Variants in LRRC4C observed in about 807,000 individuals in gnomAD.
LRRC4C encodes leucine-rich repeat-containing protein 4C.
Under a neutral mutation model 33.6 loss-of-function variants are expected in LRRC4C, and 5 were observed. The observed-to-expected ratio is 0.15, with a 90% CI of 0.08 to 0.31. LRRC4C has a LOEUF of 0.31. Ranked by LOEUF, LRRC4C falls within the 10% of genes least tolerant of loss-of-function variation. The pLI is 1.00. For synonymous variants in LRRC4C, 329 were observed against 302.0 expected, an observed-to-expected ratio of 1.09 and a Z score of -0.93; for missense variants, 560 against 796.7, an observed-to-expected ratio of 0.70 and a Z score of 3.58.
intron 1 of LRRC4C, among the ~76,000 whole-genome samples, chr11:41,388,225 T>C (rs181442483): frequency 1.5e-3 from 229 of 151,842 alleles, no homozygotes; most frequent in African/African-American, 5.1e-3. Flanking sequence ...AAATAGAAAG[T>C]AGATAAAGAG....
chr11:41,242,022 T>C (rs1471612221), intron 1 of LRRC4C, among the ~76,000 whole-genome samples: 1 of 152,202 alleles, frequency 6.6e-6, no homozygotes. Flanking sequence ...GTGTGAATTG[T>C]CTAGTCCTAA....
chr11:40,605,421 A>G (rs1467319517), intron 3 of LRRC4C, among the ~76,000 whole-genome samples: 2 of 152,202 alleles, frequency 1.3e-5, no homozygotes, highest in African/African-American at 4.8e-5. Flanking sequence ...TGATTCAACA[A>G]TACATGAACC....
At chr11:40,141,123 A>C (rs1411673168) in intron 5 of LRRC4C, among the ~76,000 whole-genome samples, 1 of 152,184 alleles carries the variant, frequency 6.6e-6, no homozygotes, top group African/African-American at 2.4e-5. Context: ...CATGACCTTA[A>C]GTAAGTCACA....
At chr11:40,918,850 C>G (rs924811608) in intron 2 of LRRC4C, among the ~76,000 whole-genome samples, 1 of 152,020 alleles carries the variant, frequency 6.6e-6, no homozygotes, top group Non-Finnish European at 1.5e-5. Flanking sequence ...GACTGCTTGC[C>G]TTGGGAAGTT....
intron 3 of LRRC4C, among the ~76,000 whole-genome samples, chr11:40,627,382 G>T (rs933288976): frequency 2.0e-5 from 3 of 152,034 alleles, no homozygotes; most frequent in East Asian, 3.9e-4. Flanking sequence ...GAAAGTATGG[G>T]AATCTACAGT....
At chr11:40,931,659 GTA>G (rs1491055158) in intron 2 of LRRC4C, among the ~76,000 whole-genome samples, 6 of 151,898 alleles carry the variant, frequency 4.0e-5, no homozygotes, top group African/African-American at 7.3e-5. Context: ...AAAGGGGTGT[GTA>G]TGTGTGTGTG....
intron 2 of LRRC4C, among the ~76,000 whole-genome samples, chr11:40,858,967 C>T (rs539969234): frequency 6.6e-6 from 1 of 152,222 alleles, no homozygotes; most frequent in African/African-American, 2.4e-5. Flanking sequence ...TCTTTGAGAG[C>T]CACATGGCAA....
chr11:40,375,369 C>T (rs1053131263), intron 3 of LRRC4C, among the ~76,000 whole-genome samples: 4 of 152,116 alleles, frequency 2.6e-5, no homozygotes, highest in African/African-American at 9.7e-5. Context: ...TTCTCTTTAA[C>T]AGCTGGAGAG....
chr11:40,285,254 G>A (rs1943756950), intron 4 of LRRC4C, among the ~76,000 whole-genome samples: 3 of 152,148 alleles, frequency 2.0e-5, no homozygotes, highest in Admixed American at 1.3e-4. Context: ...AAAGGGGGAA[G>A]CCCTCATTAT....
At chr11:40,544,651 A>T (rs1014742978) in intron 3 of LRRC4C, among the ~76,000 whole-genome samples, 2 of 152,126 alleles carry the variant, frequency 1.3e-5, no homozygotes, top group African/African-American at 4.8e-5. Flanking sequence ...GTGGCAAAGA[A>T]TCACCAAATA....
At chr11:40,644,404 G>A (rs1942314972) in intron 3 of LRRC4C, among the ~76,000 whole-genome samples, 1 of 152,120 alleles carries the variant, frequency 6.6e-6, no homozygotes, top group African/African-American at 2.4e-5. Flanking sequence ...ATACAACCCA[G>A]CAATTGTTTG....
chr11:41,315,016 A>G (rs1043399517), intron 1 of LRRC4C, among the ~76,000 whole-genome samples: 1 of 152,190 alleles, frequency 6.6e-6, no homozygotes, highest in African/African-American at 2.4e-5. Context: ...GTCATAACCT[A>G]CGAAATAAGA....
At chr11:41,280,495 C>T (rs1949627759) in intron 1 of LRRC4C, among the ~76,000 whole-genome samples, 1 of 152,196 alleles carries the variant, frequency 6.6e-6, no homozygotes, top group Admixed American at 6.6e-5. Flanking sequence ...ATAACAGAGG[C>T]TGTGCTCAAC....
rs79962934 is a variant in LRRC4C at position 40,501,262 on chromosome 11, C to T, written c.-270+146880G>A. On this transcript the variant is annotated intron_variant, in intron 3 of 6. Transcript: ENST00000528697. ...TGAGAGTCTGTGGCTTTTCCAGGCA[C>T]ACAATGCAACCTGTCGGTGGAGCTA... 5.7e-3 allele frequency among the ~76,000 whole-genome samples: 870 copies of T among 152,270 alleles called. 6 individuals carry two copies. Among genetic ancestry groups the T allele is most frequent in the African/African-American group, 0.02 (840 of 41,554 alleles).
intron 3 of LRRC4C, among the ~76,000 whole-genome samples, chr11:40,357,398 T>C (rs1947720411): frequency 1.3e-5 from 2 of 152,160 alleles, no homozygotes; most frequent in African/African-American, 2.4e-5. Context: ...ACATTCTGTT[T>C]GGCACCTTCA....
At chr11:41,170,526 TG>T (rs1163627439) in intron 1 of LRRC4C, among the ~76,000 whole-genome samples, 1 of 152,170 alleles carries the variant, frequency 6.6e-6, no homozygotes, top group Non-Finnish European at 1.5e-5. Flanking sequence ...ATTTAATAAA[TG>T]GTGTTGAGAA....
At chr11:40,282,241 A>C (rs1943527056) in intron 4 of LRRC4C, among the ~76,000 whole-genome samples, 1 of 152,154 alleles carries the variant, frequency 6.6e-6, no homozygotes, top group South Asian at 2.1e-4. Context: ...GTTACTCGGG[A>C]GGCTGAGGCA....
intron 1 of LRRC4C, among the ~76,000 whole-genome samples, chr11:41,108,082 T>C (rs1941619127): frequency 6.6e-6 from 1 of 152,002 alleles, no homozygotes; most frequent in Admixed American, 6.6e-5. Flanking sequence ...ACATAACATG[T>C]TAATAAAACA....
intron 2 of LRRC4C, among the ~76,000 whole-genome samples, chr11:40,911,485 C>T (rs1956686546): frequency 6.6e-6 from 1 of 152,168 alleles, no homozygotes; most frequent in African/African-American, 2.4e-5. Flanking sequence ...AGCTGAGGGT[C>T]CTGACTCTTA....
Sources: gnomAD v4.1 joint callset for allele counts (sites outside exome capture counted in the v4.1 genomes callset) on GRCh38, gnomAD v4.1.1 for gene constraint, MANE v1.5 for transcripts, NCBI Gene and HGNC (gene_info 2026-07-23, HGNC 2026-07-21) for gene names.